Variants in OTOGL observed in about 807,000 individuals in gnomAD.
OTOGL encodes the protein otogelin-like protein.
Under a neutral mutation model 318.5 loss-of-function variants are expected in OTOGL, and 285 were observed. The ratio of observed to expected loss-of-function variants is 0.89; its 90% CI spans 0.81 to 0.99. OTOGL has a LOEUF of 0.99. OTOGL is among the 50% of genes least tolerant of loss of function. The pLI is 0.00. For synonymous variants in OTOGL, 987 were observed against 936.5 expected, an observed-to-expected ratio of 1.05 and a Z score of -0.99; for missense variants, 2,899 against 2,845.6, an observed-to-expected ratio of 1.02 and a Z score of -0.43.
chr12:80,114,205 T>A (rs1565865138), intron 1 of OTOGL, among the ~76,000 whole-genome samples: 1 of 152,178 alleles, frequency 6.6e-6, no homozygotes, highest in Non-Finnish European at 1.5e-5. Context: ...TTCTTCATAG[T>A]GTCAATGGCC....
Position 80,270,294 on chromosome 12 carries a change from G to T in OTOGL, c.2518+140G>T, listed in dbSNP as rs1883311326. On this transcript the variant is annotated intron_variant, in intron 23 of 58. Transcript: ENST00000547103. ...GAATGTTCTTCAACATGGTGTTCCAGTGCTTCTTAACTTTTTCCACATTGA... is the reference window on the plus strand; with the variant it reads ...GAATGTTCTTCAACATGGTGTTCCATTGCTTCTTAACTTTTTCCACATTGA... 3 of 697,836 alleles carry T rather than the reference G, an allele frequency of 4.3e-6. No individual in the cohort carries two copies. In the South Asian group the frequency reaches 5.8e-5, roughly 13 times the overall value. The allele number at this position is 697,836 out of a possible 1,614,324, so 43.2% of individuals were successfully genotyped here.
chr12:80,170,058 G>A (rs575482333), intron 1 of OTOGL, among the ~76,000 whole-genome samples: 4 of 152,150 alleles, frequency 2.6e-5, no homozygotes, highest in Non-Finnish European at 5.9e-5. Flanking sequence ...GTAAGTGGAT[G>A]TTTATCTTTG....
Position 80,305,758 on chromosome 12 carries a change from A to G in OTOGL, c.3333+63A>G, listed in dbSNP as rs1399266295. 6.4e-6 allele frequency: 8 copies of G among 1,252,730 alleles called. No individual in the cohort carries two copies. In the African/African-American group the frequency reaches 9.2e-5, roughly 14 times the overall value. 77.6% of individuals were successfully genotyped at this position (1,252,730 alleles called of 1,614,324 possible). A position where few individuals can be genotyped will look rare whatever the true frequency, so the allele number is the denominator to read the frequency against. On this transcript the variant is annotated intron_variant, in intron 29 of 58. Transcript: ENST00000547103. ...TTTTTAAGAATATTTTTTCACTAGA[A>G]CATTTTATTCTTATTTAGGTAATAT... is the stretch of plus-strand genomic sequence containing the variant.
chr12:80,260,791 G>A (rs1349294350), intron 18 of OTOGL, among the ~76,000 whole-genome samples: 1 of 152,094 alleles, frequency 6.6e-6, no homozygotes, highest in Non-Finnish European at 1.5e-5. Context: ...CAAGCTCTAA[G>A]TCAGTTCCAC....
rs370191647 is a variant in OTOGL, at chr12:80,342,103, G to T, written c.5206G>T (p.Asp1736Tyr). 2.1e-5 allele frequency: 34 copies of T among 1,605,050 alleles called. No homozygotes were observed. The highest frequency in any genetic ancestry group is 2.7e-5 in the African/African-American group (2 of 74,840). The change falls in exon 44 of 59, where the codon GAT (aspartate) becomes TAT (tyrosine). Residue 1736 changes from aspartate (D) to tyrosine (Y), a missense_variant. Physicochemically the swap from Asp to Tyr is radical, Grantham distance 160. Transcript: ENST00000547103. ...ACCTGTTAGGAATTGTACTGAGCAT[G>T]ATTGCAGCCAGTGCATTGATTTATT... is the stretch of plus-strand genomic sequence containing the variant. ...RRPVRNCTEH[D>Y]CSQCIDLLNR...
At chr12:80,149,649 G>A (rs1315313176) in intron 1 of OTOGL, among the ~76,000 whole-genome samples, 1 of 152,004 alleles carries the variant, frequency 6.6e-6, no homozygotes, top group Non-Finnish European at 1.5e-5. Flanking sequence ...GGGCAATGGC[G>A]GGCGCCCCTC....
At chr12:80,268,012 G>C (rs1249612400) in intron 22 of OTOGL, among the ~76,000 whole-genome samples, 1 of 151,688 alleles carries the variant, frequency 6.6e-6, no homozygotes, top group South Asian at 2.1e-4. Context: ...AAAATGTCCT[G>C]CACAGTAGTA....
At chr12:80,136,522 C>T (rs1479979420) in intron 1 of OTOGL, among the ~76,000 whole-genome samples, 1 of 152,134 alleles carries the variant, frequency 6.6e-6, no homozygotes, top group Non-Finnish European at 1.5e-5. Context: ...ATATTTTCAC[C>T]TCTTGTACTA....
chr12:80,356,231 G>A, intron 47 of OTOGL, 185 bp from the exon 48 acceptor site: 1 of 612,436 alleles, frequency 1.6e-6, no homozygotes, highest in Non-Finnish European at 2.8e-6. Context: ...TGTCAAAGCT[G>A]CTGCATTTTC....
At chr12:80,139,930 A>G (rs1358727251) in intron 1 of OTOGL, among the ~76,000 whole-genome samples, 1 of 152,060 alleles carries the variant, frequency 6.6e-6, no homozygotes, top group African/African-American at 2.4e-5. Context: ...CCCTAAACTG[A>G]TTTTCATGAC....
intron 24 of OTOGL, 141 bp from the exon 25 acceptor site, chr12:80,278,027 C>T (rs2137617783): frequency 1.7e-6 from 1 of 599,012 alleles, no homozygotes; most frequent in Non-Finnish European, 2.9e-6. Flanking sequence ...AGACTGGATT[C>T]ATCTCCTCAG....
At chr12:80,367,194 C>T (rs1383767058) in intron 53 of OTOGL, among the ~76,000 whole-genome samples, 2 of 148,024 alleles carry the variant, frequency 1.4e-5, no homozygotes, top group African/African-American at 5.0e-5. Flanking sequence ...AGGCTGGTCT[C>T]AAACTTCTGG....
chr12:80,232,395 T>A (rs1255509271), intron 8 of OTOGL, among the ~76,000 whole-genome samples: 1 of 152,238 alleles, frequency 6.6e-6, no homozygotes, highest in Admixed American at 6.5e-5. Flanking sequence ...TATTTCCTTA[T>A]AGCCACGTTT....
intron 26 of OTOGL, among the ~76,000 whole-genome samples, chr12:80,294,134 T>C (rs918489322): frequency 6.6e-6 from 1 of 152,162 alleles, no homozygotes; most frequent in Non-Finnish European, 1.5e-5. Flanking sequence ...ATTACTATGT[T>C]GCTTAACAAC....
chr12:80,334,757 C>T (rs1888288449), intron 38 of OTOGL, among the ~76,000 whole-genome samples: 1 of 152,008 alleles, frequency 6.6e-6, no homozygotes, highest in African/African-American at 2.4e-5. Flanking sequence ...CTGGATTTAG[C>T]AATGTGAGTT....
intron 19 of OTOGL, among the ~76,000 whole-genome samples, chr12:80,263,990 A>G (rs561778957): frequency 6.6e-6 from 1 of 152,142 alleles, no homozygotes; most frequent in Non-Finnish European, 1.5e-5. Context: ...ATGCAAAAAT[A>G]TCATACTTGA....
In OTOGL at chr12:80,366,603, C is replaced by T. The variant is rs768604072; in HGVS notation, c.6297C>T (p.Phe2099=). 5 of 1,420,458 alleles carry T rather than the reference C, an allele frequency of 3.5e-6. No homozygotes were observed. The highest frequency in any genetic ancestry group is 1.6e-5 in the South Asian group (1 of 61,216). 88.0% of individuals were successfully genotyped at this position (1,420,458 alleles called of 1,614,324 possible). Residue 2099 remains phenylalanine (F), a synonymous_variant, in exon 53 of 59, where the codon TTC becomes TTT. Transcript: ENST00000547103. Reference sequence around the variant, plus strand: ...AATTTACTGCAATAGACCATAACTTCCAGAGTGATTGTGGATGCATACAGT... The same window carrying T: ...AATTTACTGCAATAGACCATAACTTTCAGAGTGATTGTGGATGCATACAGT... ...VGEFTAIDHN[F]QSDCGCIQYL... is the part of the protein sequence containing the mutation.
intron 1 of OTOGL, among the ~76,000 whole-genome samples, chr12:80,119,758 T>C (rs1457259948): frequency 6.6e-6 from 1 of 152,214 alleles, no homozygotes; most frequent in Non-Finnish European, 1.5e-5. Flanking sequence ...CATCCTTTAA[T>C]ACAATTTTTT....
At chr12:80,215,511 G>A (rs1592556217) in intron 4 of OTOGL, among the ~76,000 whole-genome samples, 1 of 152,098 alleles carries the variant, frequency 6.6e-6, no homozygotes, top group African/African-American at 2.4e-5. Context: ...TATTCTTGGT[G>A]TGTCACTCAC....
Sources: allele counts gnomAD v4.1 joint callset (sites outside exome capture counted in the v4.1 genomes callset), GRCh38; gene constraint gnomAD v4.1.1; transcripts MANE v1.5; gene names NCBI Gene and HGNC (gene_info 2026-07-23, HGNC 2026-07-21).